KLHL22: variants seen among roughly 807,000 people sequenced by gnomAD.
KLHL22 encodes the protein kelch like family member 22.
KLHL22 carries 18 observed loss-of-function variants against 60.7 expected under a neutral mutation model. The observed-to-expected ratio is 0.30, with a 90% CI of 0.20 to 0.44. KLHL22 has a LOEUF of 0.44. KLHL22 is among the 20% of genes least tolerant of loss of function. KLHL22 has a pLI of 1.00. For missense variants in KLHL22, 596 were observed against 852.3 expected (o/e 0.70, Z 3.74); for synonymous variants, 355 against 354.5 (o/e 1.00, Z -0.01).
chr22:20,494,078 C>CCCT (rs2053731630), intron 1 of KLHL22, among the ~76,000 whole-genome samples: 1 of 110,976 alleles, frequency 9.0e-6, no homozygotes, highest in Non-Finnish European at 1.9e-5. Context: ...GACTTTGCCC[C>CCCT]CCCCCCAAAA....
chr22:20,476,405 A>ATTTTTTT (rs57189584), intron 2 of KLHL22, among the ~76,000 whole-genome samples: 1 of 69,354 alleles, frequency 1.4e-5, no homozygotes. Context: ...ATTGACACAG[A>ATTTTTTT]TTTTTTTTTT....
In KLHL22 at chr22:20,441,595, C is replaced by CT. The variant is rs1040347374; in HGVS notation, c.*477dup. ...GGTCTGAAAACCCAGCGGGAGGGGTCTTTTTATCACAGAGCCAGTCCCAGG... is the reference window on the plus strand; with the variant it reads ...GGTCTGAAAACCCAGCGGGAGGGGTCTTTTTTATCACAGAGCCAGTCCCAGG... On this transcript the variant is annotated 3_prime_UTR_variant, in exon 7 of 7. Transcript: ENST00000328879. 6.8e-5 allele frequency: 12 copies of CT among 176,528 alleles called. No individual in the cohort carries two copies. The highest frequency in any genetic ancestry group is 2.9e-4 in the African/African-American group (12 of 41,844). The allele number at this position is 176,528 out of a possible 1,614,324, so 10.9% of individuals were successfully genotyped here.
chr22:20,482,931 C>A lies in KLHL22; in HGVS notation c.227+6054G>T, dbSNP rs181921774. 4.1e-5 allele frequency: 42 copies of A among 1,018,856 alleles called. No individual in the cohort carries two copies. In the East Asian group the frequency reaches 1.0e-3, roughly 24 times the overall value. 63.1% of individuals were successfully genotyped at this position (1,018,856 alleles called of 1,614,324 possible). ...GAGTTGCTGCTGTCCAGGGCATCACCAAGACTGAAGTCCTCGCCATCTTCC... is the reference window on the plus strand; with the variant it reads ...GAGTTGCTGCTGTCCAGGGCATCACAAAGACTGAAGTCCTCGCCATCTTCC... On this transcript the variant is annotated intron_variant, in intron 2 of 6. Coordinates refer to ENST00000328879, the MANE Select transcript of KLHL22 (RefSeq NM_032775.4).
Position 20,483,989 on chromosome 22 carries a change from G to A in KLHL22, c.227+4996C>T, listed in dbSNP as rs577519654. 9.5e-4 allele frequency: 668 copies of A among 705,248 alleles called. 5 individuals carry two copies. The highest frequency in any genetic ancestry group is 7.6e-3 in the South Asian group (531 of 69,678). 43.7% of individuals were successfully genotyped at this position (705,248 alleles called of 1,614,324 possible). A position where few individuals can be genotyped will look rare whatever the true frequency, so the allele number is the denominator to read the frequency against. On this transcript the variant is annotated intron_variant, in intron 2 of 6. Coordinates refer to ENST00000328879, the MANE Select transcript of KLHL22 (RefSeq NM_032775.4). The stretch of plus-strand genomic sequence containing the variant: ...CGAAGATCCAGGAACCAGAGCCCTC[G>A]GTGCCTGCATAGACGCTGGCCACGC...
At chr22:20,479,003 C>T (rs1293070488) in intron 2 of KLHL22, among the ~76,000 whole-genome samples, 3 of 151,684 alleles carry the variant, frequency 2.0e-5, no homozygotes, top group Non-Finnish European at 4.4e-5. Context: ...GTGGCAGGCG[C>T]CTGTAATTCC....
At chr22:20,462,276 C>CAAAAA (rs361908) in intron 4 of KLHL22, among the ~76,000 whole-genome samples, 1 of 114,540 alleles carries the variant, frequency 8.7e-6, no homozygotes. Context: ...GACTCTGTCT[C>CAAAAA]AAAAAAAAAA....
At chr22:20,457,030 G>A (rs2053074022) in intron 5 of KLHL22, among the ~76,000 whole-genome samples, 1 of 135,014 alleles carries the variant, frequency 7.4e-6, no homozygotes. Context: ...TGCCCTGCTA[G>A]GGTACCCCTA....
intron 5 of KLHL22, chr22:20,456,370 G>T (rs1443285661): frequency 6.6e-6 from 1 of 152,220 alleles, no homozygotes; most frequent in Non-Finnish European, 1.5e-5. Flanking sequence ...GTTGCGGAAT[G>T]AATGCGTGCA....
chr22:20,470,539 T>C (rs2053298259), intron 3 of KLHL22, among the ~76,000 whole-genome samples: 1 of 151,836 alleles, frequency 6.6e-6, no homozygotes, highest in Non-Finnish European at 1.5e-5. Flanking sequence ...GTCCTAGCTA[T>C]TTGGGAGGCT....
intron 2 of KLHL22, among the ~76,000 whole-genome samples, chr22:20,477,981 G>A (rs1265138390): frequency 6.6e-6 from 1 of 152,152 alleles, no homozygotes; most frequent in African/African-American, 2.4e-5. Context: ...GAGATAAATT[G>A]TCATGATATC....
intron 2 of KLHL22, among the ~76,000 whole-genome samples, chr22:20,480,981 G>A (rs183361424): frequency 0.11 from 17,208 of 151,372 alleles, 1,528 homozygotes; most frequent in East Asian, 0.46. Flanking sequence ...ACAGGCACCC[G>A]CCACCATGCC....
Position 20,495,777 on chromosome 22 carries a change from C to T in KLHL22, c.-51G>A, listed in dbSNP as rs2053758988. On this transcript the variant is annotated 5_prime_UTR_variant, in exon 1 of 7. Coordinates refer to ENST00000328879, the MANE Select transcript of KLHL22 (RefSeq NM_032775.4). This position sits in a 1 kb window ranked among gnomAD's most constrained non-coding sequence, Gnocchi z 4.6. Reference sequence around the variant, plus strand: ...CAGCTGACCTGGTGCCGCCGCCAGCCGAGGCCGCACTCGCAGCTGGAGGGA... The same window carrying T: ...CAGCTGACCTGGTGCCGCCGCCAGCTGAGGCCGCACTCGCAGCTGGAGGGA... 6.6e-6 allele frequency: 1 copy of T among 151,330 alleles called. No individual in the cohort carries two copies. The allele number at this position is 151,330 out of a possible 1,614,324, so 9.4% of individuals were successfully genotyped here.
At chr22:20,480,882 A>G (rs2053488240) in intron 2 of KLHL22, among the ~76,000 whole-genome samples, 1 of 135,472 alleles carries the variant, frequency 7.4e-6, no homozygotes, top group African/African-American at 2.9e-5. Context: ...CCCAGGCTGG[A>G]ATGCAGTGGC....
chr22:20,448,622 T>C (rs1006743272), intron 5 of KLHL22, among the ~76,000 whole-genome samples: 8 of 152,216 alleles, frequency 5.3e-5, no homozygotes, highest in African/African-American at 1.4e-4. Flanking sequence ...TGGAATATAG[T>C]GGCACAATCT....
chr22:20,451,294 C>T (rs934032038), intron 5 of KLHL22: 1 of 1,607,446 alleles, frequency 6.2e-7, no homozygotes, highest in African/African-American at 1.3e-5. Flanking sequence ...AAGCAGGCGT[C>T]ACACCAGTAT....
chr22:20,472,657 C>G (rs183495227), intron 2 of KLHL22, among the ~76,000 whole-genome samples: 1 of 151,210 alleles, frequency 6.6e-6, no homozygotes, highest in Admixed American at 6.6e-5. Flanking sequence ...ACCCGGGAGG[C>G]GGAGGTTGCA....
At chr22:20,450,990 C>G (rs1246319781) in intron 5 of KLHL22, 1 of 1,562,836 alleles carries the variant, frequency 6.4e-7, no homozygotes, top group Non-Finnish European at 8.8e-7. Flanking sequence ...GCTTCGGAAG[C>G]CAGCAGTCTC....
chr22:20,464,737 C>A, intron 4 of KLHL22, 121 bp downstream of exon 4: 1 of 655,616 alleles, frequency 1.5e-6, no homozygotes, highest in African/African-American at 1.8e-5. Flanking sequence ...GACTTCATTC[C>A]ACAATGGCAA....
chr22:20,451,428 G>T, intron 5 of KLHL22: 1 of 1,607,616 alleles, frequency 6.2e-7, no homozygotes, highest in Non-Finnish European at 8.5e-7. Flanking sequence ...ATGACGGCTT[G>T]AATATCTTAA....
Sources: allele counts gnomAD v4.1 joint callset (sites outside exome capture counted in the v4.1 genomes callset), GRCh38; gene constraint gnomAD v4.1.1; non-coding constraint Gnocchi (gnomAD v3.1); transcripts MANE v1.5; gene names NCBI Gene and HGNC (gene_info 2026-07-23, HGNC 2026-07-21).